Variants in RBFOX1 observed in about 807,000 individuals in gnomAD.
The protein encoded by RBFOX1 is RNA binding protein fox-1 homolog 1.
RBFOX1 carries 8 observed loss-of-function variants against 57.7 expected under a neutral mutation model. The ratio of observed to expected loss-of-function variants is 0.14; its 90% CI spans 0.08 to 0.25. The LOEUF (loss-of-function observed/expected upper bound fraction) is 0.25. RBFOX1 is among the 10% of genes least tolerant of loss of function. RBFOX1 has a pLI of 1.00. For missense variants in RBFOX1, 611 were observed against 548.5 expected (o/e 1.11, Z -1.14); for synonymous variants, 326 against 222.4 (o/e 1.47, Z -4.15).
At chr16:6,977,119 TTATCATATA>T (rs2087184367) in intron 3 of RBFOX1, among the ~76,000 whole-genome samples, 2 of 139,646 alleles carry the variant, frequency 1.4e-5, no homozygotes, top group Admixed American at 7.6e-5. Context: ...ATGATCTATA[TTATCATATA>T]TATGATATAT....
At chr16:6,251,524 C>G (rs142451182) in intron 1 of RBFOX1, among the ~76,000 whole-genome samples, 34 of 152,142 alleles carry the variant, frequency 2.2e-4, no homozygotes, top group African/African-American at 8.2e-4. Flanking sequence ...GGGTTTGGGG[C>G]TCTTTACAGT....
intron 4 of RBFOX1, among the ~76,000 whole-genome samples, chr16:7,131,090 A>G (rs2070225456): frequency 6.6e-6 from 1 of 152,130 alleles, no homozygotes. Flanking sequence ...CATGCCTGTA[A>G]TCCCAGCATT....
chr16:6,976,977 A>T (rs994240447), intron 3 of RBFOX1, among the ~76,000 whole-genome samples: 1 of 147,346 alleles, frequency 6.8e-6, no homozygotes, highest in Admixed American at 6.9e-5. Context: ...CCTATATCAC[A>T]TATCATATAT....
At chr16:5,534,191 TG>T (rs144763706) in intron 2 of RBFOX1, among the ~76,000 whole-genome samples, 1,640 of 152,260 alleles carry the variant, frequency 0.011, 13 homozygotes, top group Non-Finnish European at 0.018. Context: ...AAGGGGGAAT[TG>T]GGCATTTTCA....
chr16:7,212,361 G>A (rs754656702), intron 4 of RBFOX1, among the ~76,000 whole-genome samples: 2 of 152,106 alleles, frequency 1.3e-5, no homozygotes, highest in Admixed American at 6.5e-5. Flanking sequence ...CTGTAGCCGC[G>A]TTGACCCTAG....
chr16:6,645,122 A>G (rs937823702), intron 2 of RBFOX1, among the ~76,000 whole-genome samples: 4 of 152,140 alleles, frequency 2.6e-5, no homozygotes, highest in African/African-American at 7.2e-5. Context: ...TTGTAGCAGC[A>G]TCTCTCTAAT....
chr16:7,026,534 C>T (rs192638013), intron 3 of RBFOX1, among the ~76,000 whole-genome samples: 1 of 152,098 alleles, frequency 6.6e-6, no homozygotes. Context: ...CACACACATA[C>T]ACAATCACAG....
chr16:7,259,311 C>A (rs570365203), intron 4 of RBFOX1, among the ~76,000 whole-genome samples: 1 of 152,134 alleles, frequency 6.6e-6, no homozygotes, highest in African/African-American at 2.4e-5. Context: ...AAACACCTTC[C>A]CCTCTCAGGC....
At chr16:6,994,622 G>T (rs910364341) in intron 3 of RBFOX1, among the ~76,000 whole-genome samples, 2 of 152,102 alleles carry the variant, frequency 1.3e-5, no homozygotes, top group African/African-American at 4.8e-5. Flanking sequence ...CTAGTGTTTT[G>T]ATTACATCAA....
chr16:5,724,126 G>C (rs1369359183), intron 3 of RBFOX1, among the ~76,000 whole-genome samples: 1 of 152,170 alleles, frequency 6.6e-6, no homozygotes, highest in African/African-American at 2.4e-5. Flanking sequence ...GTTGTGACTG[G>C]AACTGTGCTC....
At chr16:7,331,638 T>C (rs1352982535) in intron 4 of RBFOX1, among the ~76,000 whole-genome samples, 1 of 152,160 alleles carries the variant, frequency 6.6e-6, no homozygotes, top group East Asian at 1.9e-4. Context: ...GTTATGGTTC[T>C]AGGACTTCAT....
chr16:6,223,626 G>A lies in RBFOX1; in HGVS notation c.-126-93369G>A, dbSNP rs182167587. ...GCCCTTTGTCAGATGAGTAGGTTGC[G>A]AAAATTTTCTCCCATTTTGTAGGTC... On this transcript the variant is annotated intron_variant, in intron 1 of 15. Transcript: ENST00000550418. Among the ~76,000 whole-genome samples, 1,305 of 152,206 alleles carry A rather than the reference G, an allele frequency of 8.6e-3. 12 individuals carry two copies. The highest frequency in any genetic ancestry group is 0.027 in the African/African-American group (1,126 of 41,544).
intron 4 of RBFOX1, among the ~76,000 whole-genome samples, chr16:7,271,044 C>T (rs1205693462): frequency 6.6e-6 from 1 of 152,022 alleles, no homozygotes; most frequent in East Asian, 1.9e-4. Context: ...ATTTAAGCCT[C>T]TCTTATTTTG....
rs564901618 is a variant in RBFOX1 at position 6,344,876 on chromosome 16, A to G, written c.-64+27819A>G. Among the ~76,000 whole-genome samples the G allele has an allele frequency of 2.0e-5, 3 of 151,544 alleles. No individual in the cohort carries two copies. In the South Asian group the frequency reaches 6.3e-4, roughly 32 times the overall value. The stretch of plus-strand genomic sequence containing the variant: ...CCACTAATTTTTCTATTTTTAGTAG[A>G]CACGAGGTTTCACCAGGTTGGCCAG... On this transcript the variant is annotated intron_variant, in intron 2 of 15. Transcript: ENST00000550418.
chr16:7,048,779 C>G lies in RBFOX1; in HGVS notation c.-15-3278C>G, dbSNP rs867699281. ...TTTCTTGGTTCCTAGTATGCTAAGTCATTTTGGTTTGTATTCTGGGTATAT... is the reference window on the plus strand; with the variant it reads ...TTTCTTGGTTCCTAGTATGCTAAGTGATTTTGGTTTGTATTCTGGGTATAT... On this transcript the variant is annotated intron_variant, in intron 3 of 15. Transcript: ENST00000550418. Among the ~76,000 whole-genome samples the G allele has an allele frequency of 4.6e-5, 7 of 152,244 alleles. No individual in the cohort carries two copies. In the South Asian group the frequency reaches 1.0e-3, roughly 23 times the overall value.
At chr16:6,393,374 C>A (rs965750411) in intron 2 of RBFOX1, among the ~76,000 whole-genome samples, 3 of 152,160 alleles carry the variant, frequency 2.0e-5, no homozygotes, top group Admixed American at 6.5e-5. Context: ...GCTTCGGATA[C>A]AGGGAAGGAC....
At chr16:6,995,685 G>T (rs1596401898) in intron 3 of RBFOX1, among the ~76,000 whole-genome samples, 1 of 152,050 alleles carries the variant, frequency 6.6e-6, no homozygotes, top group Non-Finnish European at 1.5e-5. Flanking sequence ...ACTTGAACCT[G>T]GGAGCACAGA....
chr16:5,809,254 T>G (rs1460660130), intron 3 of RBFOX1, among the ~76,000 whole-genome samples: 1 of 152,162 alleles, frequency 6.6e-6, no homozygotes, highest in Non-Finnish European at 1.5e-5. Flanking sequence ...ATTCAGGACA[T>G]AGGCACAGGC....
intron 4 of RBFOX1, among the ~76,000 whole-genome samples, chr16:7,470,424 G>A (rs755698325): frequency 7.2e-5 from 11 of 152,160 alleles, no homozygotes; most frequent in Non-Finnish European, 1.2e-4. Context: ...TGGATGGATA[G>A]AGGGATGGTT....
Sources: allele counts gnomAD v4.1 joint callset (sites outside exome capture counted in the v4.1 genomes callset), GRCh38; gene constraint gnomAD v4.1.1; transcripts MANE v1.5; gene names NCBI Gene and HGNC (gene_info 2026-07-23, HGNC 2026-07-21).